Variants in FUZ observed in about 807,000 individuals in gnomAD.
FUZ encodes the protein fuzzy planar cell polarity protein.
In FUZ, 31 loss-of-function variants were observed where a neutral mutation model predicts 43.1. That is an observed-to-expected ratio of 0.72 (90% CI 0.54 to 0.97). The LOEUF (loss-of-function observed/expected upper bound fraction) is 0.97. Ranked by LOEUF, FUZ falls within the 50% of genes least tolerant of loss-of-function variation. The pLI is 0.00. For missense variants in FUZ, 539 were observed against 543.8 expected (o/e 0.99, Z 0.09); for synonymous variants, 274 against 250.0 (o/e 1.10, Z -0.91).
chr19:49,810,326 G>A (rs959221796), intron 5 of FUZ, among the ~76,000 whole-genome samples: 5 of 151,310 alleles, frequency 3.3e-5, no homozygotes, highest in African/African-American at 4.9e-5. Context: ...AGACCAGCCC[G>A]GGCAACTTAA....
Position 49,811,467 on chromosome 19 carries a change from C to T in FUZ, c.388G>A (p.Ala130Thr). The T allele has an allele frequency of 6.2e-7, 1 of 1,613,636 alleles. No homozygotes were observed. The highest frequency in any genetic ancestry group is 8.5e-7 in the Non-Finnish European group (1 of 1,179,620). The change falls in exon 5 of 11, where the codon GCC becomes ACC. Residue 130 changes from alanine to threonine, a missense_variant and splice_region_variant. Ala to Thr is a moderately conservative substitution (Grantham distance 58). Coordinates refer to ENST00000313777, the MANE Select transcript of FUZ (RefSeq NM_025129.5). ...AAGCTGTCGATGAGGCAATAACTGG[C>T]CTAGGAGAGGAAGAAGGGACCAGCC... ...NVERLKKDLR[A>T]SYCLIDSFLG...
chr19:49,809,183 G>C lies in FUZ; in HGVS notation c.766C>G (p.Leu256Val). ...LCLLCGPSPP[L>V]SQLYPQLLER... Reference sequence around the variant, plus strand: ...TTCACCTGTGGATACAACTGGCTGAGGGGTGGGCTCGGCCCGCAGAGTAGA... The same window carrying C: ...TTCACCTGTGGATACAACTGGCTGACGGGTGGGCTCGGCCCGCAGAGTAGA... The change falls in exon 7 of 11, where the codon CTC (leucine) becomes GTC (valine). Residue 256 changes from leucine (L) to valine (V), a missense_variant. Physicochemically the swap from Leu to Val is conservative, Grantham distance 32 (BLOSUM62 1). Transcript: ENST00000313777. This position sits in a 1 kb window ranked among gnomAD's most constrained non-coding sequence, Gnocchi z 5.1. 2 of 1,551,876 alleles carry C rather than the reference G, an allele frequency of 1.3e-6. No homozygotes were observed. The highest frequency in any genetic ancestry group is 8.7e-7 in the Non-Finnish European group (1 of 1,147,202).
At position 49,807,312 on chromosome 19, in the gene FUZ, A is replaced by G. The variant is rs143776202; in HGVS notation, c.1096T>C (p.Tyr366His). 49 of 1,613,464 alleles carry G rather than the reference A, an allele frequency of 3.0e-5. No individual in the cohort carries two copies. The highest frequency in any genetic ancestry group is 4.0e-5 in the Non-Finnish European group (47 of 1,179,992). The stretch of plus-strand genomic sequence containing the variant: ...GGTTCCTCAGTCCCCAACACCAGGT[A>G]GCAAGCTCTGGGCAGCTGGGCCTGG... Reference protein sequence around the residue: ...VYQAQLPRACYLVLGTEEPGT... With the variant: ...VYQAQLPRACHLVLGTEEPGT... The change falls in exon 11 of 11, where the codon TAC (tyrosine) becomes CAC (histidine). Residue 366 changes from tyrosine (Y) to histidine (H), a missense_variant. Tyr to His is a moderately conservative substitution (Grantham distance 83). Coordinates refer to ENST00000313777, the MANE Select transcript of FUZ (RefSeq NM_025129.5).
chr19:49,811,393 G>T lies in FUZ; in HGVS notation c.462C>A (p.Cys154Ter). 1 of 1,612,346 alleles carries T rather than the reference G, an allele frequency of 6.2e-7. No individual in the cohort carries two copies. The highest frequency in any genetic ancestry group is 8.5e-7 in the Non-Finnish European group (1 of 1,179,114). The part of the protein sequence containing the change: ...LIGDLTQCVD[C>*]VIPPEGSLLQ... The stretch of plus-strand genomic sequence containing the variant: ...AGAGGGACCCCTCTGGAGGAATCAC[G>T]CAGTCCACACACTGGGTCAGGTCCC... The change falls in exon 5 of 11, where the codon TGC (cysteine) becomes TGA (stop). Residue 154 changes from cysteine to a stop codon, truncating the protein, a stop_gained. Coordinates refer to ENST00000313777, the MANE Select transcript of FUZ (RefSeq NM_025129.5). LOFTEE classifies it high-confidence loss of function.
chr19:49,811,438 C>G lies in FUZ; in HGVS notation c.417G>C (p.Leu139=), dbSNP rs2073786004. Residue 139 remains leucine (L), a synonymous_variant, in exon 5 of 11, where the codon CTG becomes CTC. Transcript: ENST00000313777. ...RASYCLIDSF[L]GDSELIGDLT... is the part of the protein sequence containing the mutation. ...GGTCCCCGATGAGCTCCGAGTCCCCCAGGAAGCTGTCGATGAGGCAATAAC... is the reference window on the plus strand; with the variant it reads ...GGTCCCCGATGAGCTCCGAGTCCCCGAGGAAGCTGTCGATGAGGCAATAAC... The G allele has an allele frequency of 6.2e-7, 1 of 1,614,018 alleles. No homozygotes were observed. Among genetic ancestry groups the G allele is most frequent in the African/African-American group, 1.3e-5 (1 of 75,010 alleles).
Position 49,809,149 on chromosome 19 carries a change from T to C in FUZ, c.786+14A>G. Reference sequence around the variant, plus strand: ...GTGTCCTAAGAGCGAAAGCGGGACGTGGCGCGGGTTCACCTGTGGATACAA... The same window carrying C: ...GTGTCCTAAGAGCGAAAGCGGGACGCGGCGCGGGTTCACCTGTGGATACAA... On this transcript the variant is annotated intron_variant, in intron 7 of 10. Coordinates refer to ENST00000313777, the MANE Select transcript of FUZ (RefSeq NM_025129.5). This position sits in a 1 kb window ranked among gnomAD's most constrained non-coding sequence, Gnocchi z 5.1. The C allele has an allele frequency of 6.4e-7, 1 of 1,550,818 alleles. No homozygotes were observed. The highest frequency in any genetic ancestry group is 1.4e-5 in the African/African-American group (1 of 73,136).
Position 49,813,202 on chromosome 19 carries a change from G to T in FUZ, c.-96C>A. The T allele has an allele frequency of 1.8e-6, 2 of 1,103,630 alleles. No individual in the cohort carries two copies. The highest frequency in any genetic ancestry group is 2.7e-6 in the Non-Finnish European group (2 of 740,402). 68.4% of individuals were successfully genotyped at this position (1,103,630 alleles called of 1,614,324 possible). On this transcript the variant is annotated 5_prime_UTR_variant, in exon 1 of 11. Transcript: ENST00000313777. ...GTAACTCGGCCTGTGGTCCGGAGCC[G>T]CCAGAGGGCGAGATGGGGAGCTGAT...
intron 5 of FUZ, chr19:49,811,044 G>C (rs1362896819): frequency 1.2e-5 from 5 of 404,678 alleles, no homozygotes; most frequent in Non-Finnish European, 2.3e-5. Context: ...CCAGCTGCTC[G>C]GGAAGCTGAG....
Position 49,806,978 on chromosome 19 carries a change from C to T in FUZ, c.*173G>A. 1 of 1,530,528 alleles carries T rather than the reference C, an allele frequency of 6.5e-7. No homozygotes were observed. Among genetic ancestry groups the T allele is most frequent in the South Asian group, 1.2e-5 (1 of 83,082 alleles). The allele number at this position is 1,530,528 out of a possible 1,614,324, so 94.8% of individuals were successfully genotyped here. Reference sequence around the variant, plus strand: ...GAGTCCCCCTCCCTCCCTTTCCCCCCCAAGCACAGAGGGGAGAGGGGCCAG... The same window carrying T: ...GAGTCCCCCTCCCTCCCTTTCCCCCTCAAGCACAGAGGGGAGAGGGGCCAG... On this transcript the variant is annotated 3_prime_UTR_variant, in exon 11 of 11. Coordinates refer to ENST00000313777, the MANE Select transcript of FUZ (RefSeq NM_025129.5).
upstream of FUZ, chr19:49,813,418 A>T: frequency 2.2e-6 from 1 of 455,854 alleles, no homozygotes; most frequent in Non-Finnish European, 4.1e-6. Context: ...GAGAACCAAG[A>T]AGCCGGATTG....
At chr19:49,808,884 G>T (rs1600272018) in intron 7 of FUZ, 61 bp from the exon 8 acceptor site, 1 of 1,289,906 alleles carries the variant, frequency 7.8e-7, no homozygotes, top group Middle Eastern at 2.3e-4. Flanking sequence ...GGGGGAGGTC[G>T]GGGGGTGTAC....
chr19:49,806,901 G>T lies in FUZ; in HGVS notation c.*250C>A. 6.5e-7 allele frequency: 1 copy of T among 1,540,344 alleles called. No homozygotes were observed. The highest frequency in any genetic ancestry group is 8.7e-7 in the Non-Finnish European group (1 of 1,148,158). ...GCCTGGGACTTTCCTCCGGCCTTTT[G>T]TATTTTTATTTTTGTTCATCTGCTG... On this transcript the variant is annotated 3_prime_UTR_variant, in exon 11 of 11. Coordinates refer to ENST00000313777, the MANE Select transcript of FUZ (RefSeq NM_025129.5).
chr19:49,809,365 G>T lies in FUZ; in HGVS notation c.690+13C>A, dbSNP rs755459291. The T allele has an allele frequency of 7.1e-6, 11 of 1,544,556 alleles. No homozygotes were observed. The highest frequency in any genetic ancestry group is 8.7e-6 in the Non-Finnish European group (10 of 1,146,722). ...AGGTCACATCCCTCCGTCGGTGCCC[G>T]CCACCCACTCACCGTGGGGCTCCCG... On this transcript the variant is annotated intron_variant, in intron 6 of 10. Transcript: ENST00000313777. This position sits in a 1 kb window ranked among gnomAD's most constrained non-coding sequence, Gnocchi z 5.1.
intron 10 of FUZ, chr19:49,808,090 G>T (rs144838793): frequency 2.4e-6 from 1 of 420,428 alleles, no homozygotes; most frequent in Non-Finnish European, 4.5e-6. Context: ...ATATGGGAAT[G>T]ATGAGGTAAT....
At chr19:49,813,324 C>T, upstream of FUZ, 1 of 648,544 alleles carries the variant, frequency 1.5e-6, no homozygotes, top group Non-Finnish European at 2.8e-6. Flanking sequence ...TTCTCTTCCG[C>T]CCTAGCCGGA....
intron 3 of FUZ, 87 bp from the exon 4 acceptor site, chr19:49,811,786 T>G: frequency 1.8e-6 from 2 of 1,099,914 alleles, no homozygotes; most frequent in Non-Finnish European, 2.8e-6. Context: ...GACTCCCACT[T>G]CTGGGTCTGG....
chr19:49,807,144 T>C lies in FUZ; in HGVS notation c.*7A>G, dbSNP rs1175987497. On this transcript the variant is annotated 3_prime_UTR_variant, in exon 11 of 11. Transcript: ENST00000313777. ...CATGTCTGTGTCCATCACCCACTGC[T>C]AGGTAGTCAAAGAAGTGGGGTGAGG... The C allele has an allele frequency of 6.2e-7, 1 of 1,612,222 alleles. No individual in the cohort carries two copies. Among genetic ancestry groups the C allele is most frequent in the Admixed American group, 1.7e-5 (1 of 59,756 alleles).
chr19:49,806,915 G>A lies in FUZ; in HGVS notation c.*236C>T. On this transcript the variant is annotated 3_prime_UTR_variant, in exon 11 of 11. Transcript: ENST00000313777. ...TCCGGCCTTTTGTATTTTTATTTTTGTTCATCTGCTGCTGTTTACATTCTG... is the reference window on the plus strand; with the variant it reads ...TCCGGCCTTTTGTATTTTTATTTTTATTCATCTGCTGCTGTTTACATTCTG... 3 of 1,536,136 alleles carry A rather than the reference G, an allele frequency of 2.0e-6. No individual in the cohort carries two copies. Among genetic ancestry groups the A allele is most frequent in the Middle Eastern group, 1.8e-4 (1 of 5,528 alleles).
At chr19:49,808,915 T>C in intron 7 of FUZ, 92 bp from the exon 8 acceptor site, 8 of 1,016,850 alleles carry the variant, frequency 7.9e-6, no homozygotes, top group South Asian at 4.1e-5. Flanking sequence ...GCGTGGTCAA[T>C]CGGGAGGGGC....
Sources: allele counts gnomAD v4.1 joint callset (sites outside exome capture counted in the v4.1 genomes callset), GRCh38; gene constraint gnomAD v4.1.1; non-coding constraint Gnocchi (gnomAD v3.1); transcripts MANE v1.5; gene names NCBI Gene and HGNC (gene_info 2026-07-23, HGNC 2026-07-21).